Variants in COL4A5 observed in about 807,000 individuals in gnomAD.
The protein encoded by COL4A5 is collagen type IV alpha 5 chain, also known as collagen alpha-5(IV) chain.
COL4A5 carries 26 observed loss-of-function variants against 130.2 expected under a neutral mutation model. The ratio of observed to expected loss-of-function variants is 0.20; its 90% CI spans 0.15 to 0.28. The LOEUF (loss-of-function observed/expected upper bound fraction) is 0.28, where lower values mean the gene tolerates loss of function less well. Ranked by LOEUF, COL4A5 falls within the 10% of genes least tolerant of loss-of-function variation. The pLI, the probability that COL4A5 is intolerant of heterozygous loss-of-function variation, is 1.00. For missense variants in COL4A5, 1,131 were observed against 1,344.3 expected (o/e 0.84, Z 2.48); for synonymous variants, 496 against 439.6 (o/e 1.13, Z -1.60).
intron 34 of COL4A5, among the ~76,000 whole-genome samples, chrX:108,624,875 T>G (rs1442100501): frequency 9.0e-6 from 1 of 111,438 alleles, no homozygotes; most frequent in African/African-American, 3.3e-5. Context: ...TCTTTCTTGT[T>G]TCTTCTTCAG....
At chrX:108,512,331 C>T (rs1415451543) in intron 1 of COL4A5, among the ~76,000 whole-genome samples, 1 of 111,094 alleles carries the variant, frequency 9.0e-6, no homozygotes, top group African/African-American at 3.3e-5. Flanking sequence ...CTAAGGCATA[C>T]TTTGATCTGA....
intron 1 of COL4A5, among the ~76,000 whole-genome samples, chrX:108,450,010 T>C (rs1271355739): frequency 8.9e-6 from 1 of 111,921 alleles, no homozygotes; most frequent in East Asian, 2.8e-4. Flanking sequence ...CACATTTTCT[T>C]AGTAGTTGTA....
intron 34 of COL4A5, among the ~76,000 whole-genome samples, chrX:108,624,868 T>G (rs751399264): frequency 1.8e-5 from 2 of 111,360 alleles, no homozygotes; most frequent in South Asian, 3.8e-4. Context: ...CTAAAACTCT[T>G]TCTTGTTTCT....
intron 3 of COL4A5, 99 bp from the exon 4 acceptor site, chrX:108,563,783 G>A (rs2065930721): frequency 4.5e-6 from 3 of 673,858 alleles, no homozygotes; most frequent in Non-Finnish European, 7.0e-6. Flanking sequence ...AACTTTCACA[G>A]ATGTTTACAG....
At position 108,440,165 on chromosome X, in the gene COL4A5, T is replaced by G. The variant is rs760570519; in HGVS notation, c.40T>G (p.Leu14Val). Residue 14 changes from leucine to valine, a missense_variant, in exon 1 of 53, where the codon TTA (leucine) becomes GTA (valine). Leu to Val is a conservative substitution (Grantham distance 32). Transcript: ENST00000328300. Reference sequence around the variant, plus strand: ...AGTCAGCCTGGCTGCCGGCTTGTTCTTACTGGCCCTGAGTCTTTGGGGGCA... The same window carrying G: ...AGTCAGCCTGGCTGCCGGCTTGTTCGTACTGGCCCTGAGTCTTTGGGGGCA... ...RGVSLAAGLF[L>V]LALSLWGQPA... 13 of 1,208,926 alleles carry G rather than the reference T, an allele frequency of 1.1e-5. No homozygotes were observed. The highest frequency in any genetic ancestry group is 1.5e-5 in the Non-Finnish European group (13 of 894,242).
chrX:108,664,224 A>G (rs2068027071), intron 37 of COL4A5, among the ~76,000 whole-genome samples: 1 of 112,140 alleles, frequency 8.9e-6, no homozygotes, highest in African/African-American at 3.2e-5. Context: ...AAGGATTGAG[A>G]AATAGATCAA....
intron 36 of COL4A5, among the ~76,000 whole-genome samples, chrX:108,643,437 A>C (rs916861327): frequency 9.0e-6 from 1 of 111,714 alleles, no homozygotes; most frequent in Non-Finnish European, 1.9e-5. Flanking sequence ...GATAAGATGA[A>C]GGAAAGAATC....
intron 1 of COL4A5, among the ~76,000 whole-genome samples, chrX:108,531,233 T>G (rs1402624036): frequency 1.2e-5 from 1 of 81,833 alleles, no homozygotes; most frequent in Non-Finnish European, 2.4e-5. Context: ...GGGGGAGGGA[T>G]AGCATTAGGA....
intron 37 of COL4A5, among the ~76,000 whole-genome samples, chrX:108,662,856 C>A (rs965760005): frequency 1.8e-5 from 2 of 112,183 alleles, no homozygotes; most frequent in African/African-American, 6.5e-5. Flanking sequence ...TAGAAAAAAA[C>A]TGCTTTAAAT....
chrX:108,643,244 C>T lies in COL4A5; in HGVS notation c.3247-12087C>T, dbSNP rs1365344460. On this transcript the variant is annotated intron_variant, in intron 36 of 52. Transcript: ENST00000328300. ...TTAAACAACCAAACCTAAGAATAATCGGTGTTTCTGAGGAAGAAGAGAAAT... is the reference window on the plus strand; with the variant it reads ...TTAAACAACCAAACCTAAGAATAATTGGTGTTTCTGAGGAAGAAGAGAAAT... Among the ~76,000 whole-genome samples, 4 of 111,609 alleles carry T rather than the reference C, an allele frequency of 3.6e-5. No homozygotes were observed. The East Asian group carries it at 8.4e-4, about 23-fold the overall frequency.
At position 108,665,946 on chromosome X, in the gene COL4A5, G is replaced by A. The variant is rs1226432529; in HGVS notation, c.3454+359G>A. On this transcript the variant is annotated intron_variant, in intron 38 of 52. Transcript: ENST00000328300. ...GGGCTCCTGTAATCCCAGCTACTTCGGAGGTTAAGGCACGAGAAGTGCTTG... is the reference window on the plus strand; with the variant it reads ...GGGCTCCTGTAATCCCAGCTACTTCAGAGGTTAAGGCACGAGAAGTGCTTG... Among the ~76,000 whole-genome samples, 4 of 110,720 alleles carry A rather than the reference G, an allele frequency of 3.6e-5. 1 individual carries two copies. In the South Asian group the frequency reaches 1.2e-3, roughly 32 times the overall value.
intron 2 of COL4A5, among the ~76,000 whole-genome samples, chrX:108,544,108 C>T (rs1403111229): frequency 1.8e-5 from 2 of 111,720 alleles, no homozygotes; most frequent in Non-Finnish European, 3.8e-5. Context: ...ATTTCTTTCT[C>T]CTGCCTGATT....
rs763595508 is a variant in COL4A5, at chrX:108,662,228, G to A, written c.3374-3279G>A. Among the ~76,000 whole-genome samples, 196 of 109,353 alleles carry A rather than the reference G, an allele frequency of 1.8e-3. 1 individual carries two copies. Among genetic ancestry groups the A allele is most frequent in the Non-Finnish European group, 2.2e-3 (118 of 52,533 alleles). 95.0% of individuals were successfully genotyped at this position (109,353 alleles called of 115,157 possible). ...CAGCCATAAAAAATGATGAGTTCATGTCCTTTGTAGGGACATGGATGAAAC... is the reference window on the plus strand; with the variant it reads ...CAGCCATAAAAAATGATGAGTTCATATCCTTTGTAGGGACATGGATGAAAC... On this transcript the variant is annotated intron_variant, in intron 37 of 52. Coordinates refer to ENST00000328300, the MANE Select transcript of COL4A5 (RefSeq NM_033380.3).
At chrX:108,673,736 A>G (rs2068249327) in intron 42 of COL4A5, among the ~76,000 whole-genome samples, 1 of 105,252 alleles carries the variant, frequency 9.5e-6, no homozygotes, top group Admixed American at 1.0e-4. Context: ...TAATAATAAT[A>G]TAATAATAAT....
intron 28 of COL4A5, among the ~76,000 whole-genome samples, chrX:108,603,380 T>C: frequency 9.1e-6 from 1 of 110,349 alleles, no homozygotes; most frequent in Admixed American, 9.7e-5. Context: ...CACAATAAAG[T>C]GAATATCAAA....
chrX:108,680,746 T>C lies in COL4A5; in HGVS notation c.4010T>C (p.Phe1337Ser). ...CCTGGTCTCCCTGGTGTTCCAGGAT[T>C]CCCAGGTATTTGAAGGGATTTTTGT... ...GDPGLPGVPG[F>S]PGMKGPSGVP... The change falls in exon 45 of 53, where the codon TTC becomes TCC. Residue 1337 changes from phenylalanine (F) to serine (S), a missense_variant. Physicochemically the swap from Phe to Ser is radical, Grantham distance 155 (BLOSUM62 -2). Transcript: ENST00000328300. 1 of 1,209,125 alleles carries C rather than the reference T, an allele frequency of 8.3e-7. No individual in the cohort carries two copies. Among genetic ancestry groups the C allele is most frequent in the Non-Finnish European group, 1.1e-6 (1 of 893,337 alleles).
intron 1 of COL4A5, among the ~76,000 whole-genome samples, chrX:108,504,228 A>G (rs944278968): frequency 1.8e-5 from 2 of 111,831 alleles, no homozygotes; most frequent in African/African-American, 3.2e-5. Flanking sequence ...CCATATACAA[A>G]AATTAACTCA....
intron 1 of COL4A5, among the ~76,000 whole-genome samples, chrX:108,502,857 G>A (rs919456100): frequency 9.0e-6 from 1 of 111,396 alleles, no homozygotes; most frequent in Non-Finnish European, 1.9e-5. Context: ...ACTTTTTATG[G>A]TTTTATCACC....
At chrX:108,522,579 G>GAT (rs942799854) in intron 1 of COL4A5, among the ~76,000 whole-genome samples, 75 of 105,291 alleles carry the variant, frequency 7.1e-4, no homozygotes, top group Middle Eastern at 4.8e-3. Flanking sequence ...CCCATAAAAA[G>GAT]ATATATATAT....
Sources: gnomAD v4.1 joint callset for allele counts (sites outside exome capture counted in the v4.1 genomes callset) on GRCh38, gnomAD v4.1.1 for gene constraint, MANE v1.5 for transcripts, NCBI Gene and HGNC (gene_info 2026-07-23, HGNC 2026-07-21) for gene names.